Variants in TMEM45B observed in about 807,000 individuals in gnomAD.
TMEM45B encodes transmembrane protein 45B.
TMEM45B carries 29 observed loss-of-function variants against 27.3 expected under a neutral mutation model. That is an observed-to-expected ratio of 1.06 (90% confidence interval 0.79 to 1.45). The LOEUF (loss-of-function observed/expected upper bound fraction) is 1.45, where lower values mean the gene tolerates loss of function less well. TMEM45B is among the 40% of genes most tolerant of loss of function. TMEM45B has a pLI of 0.00. For synonymous variants in TMEM45B, 143 were observed against 134.7 expected (o/e 1.06, Z -0.43); for missense variants, 348 against 343.9 (o/e 1.01, Z -0.09).
chr11:129,821,545 A>G (rs1403486966), intron 1 of TMEM45B, among the ~76,000 whole-genome samples: 2 of 152,198 alleles, frequency 1.3e-5, no homozygotes, highest in African/African-American at 4.8e-5. Context: ...CCAAAAGTGT[A>G]TAAGATTCAG....
intron 1 of TMEM45B, among the ~76,000 whole-genome samples, chr11:129,839,149 G>A (rs1165571478): frequency 2.0e-5 from 3 of 152,120 alleles, no homozygotes; most frequent in Non-Finnish European, 4.4e-5. Flanking sequence ...AGGGAGGGAG[G>A]GAAGGATCCA....
chr11:129,852,618 G>C lies in TMEM45B; in HGVS notation c.136G>C (p.Glu46Gln), dbSNP rs751240503. The C allele has an allele frequency of 1.2e-6, 2 of 1,612,310 alleles. No individual in the cohort carries two copies. Among genetic ancestry groups the C allele is most frequent in the East Asian group, 2.2e-5 (1 of 44,854 alleles). The change falls in exon 2 of 6, where the codon GAG becomes CAG. Residue 46 changes from glutamate to glutamine, a missense_variant. Glu to Gln is a conservative substitution (Grantham distance 29). Transcript: ENST00000281441. ...CCCACTACATTACTATCAGCGTCTC[G>C]AGATCGTCGAAGCCGCAATTAGGAC... ...NSPLHYYQRL[E>Q]IVEAAIRTLF...
At chr11:129,820,510 G>T (rs148286733) in intron 1 of TMEM45B, among the ~76,000 whole-genome samples, 294 of 152,150 alleles carry the variant, frequency 1.9e-3, no homozygotes, top group African/African-American at 6.8e-3. Flanking sequence ...GTGGGTCCAG[G>T]GGAACTTTTT....
Position 129,816,732 on chromosome 11 carries a change from C to CTTTTTT in TMEM45B, c.-9+852_-9+857dup, listed in dbSNP as rs869217352. 4.4e-3 allele frequency among the ~76,000 whole-genome samples: 354 copies of CTTTTTT among 79,752 alleles called. 14 individuals are homozygous for CTTTTTT. Among genetic ancestry groups the CTTTTTT allele is most frequent in the Non-Finnish European group, 5.3e-3 (236 of 44,806 alleles). 52.3% of individuals were successfully genotyped at this position (79,752 alleles called of 152,430 possible). Reference sequence around the variant, plus strand: ...CTAAAAGTTGCAGAAATGGCCACTTCTTTTTTTTTTTTTTTTTTTTTTTGA... The same window carrying CTTTTTT: ...CTAAAAGTTGCAGAAATGGCCACTTCTTTTTTTTTTTTTTTTTTTTTTTTTTTTTGA... On this transcript the variant is annotated intron_variant, in intron 1 of 5. Coordinates refer to ENST00000281441, the MANE Select transcript of TMEM45B (RefSeq NM_138788.5).
intron 1 of TMEM45B, among the ~76,000 whole-genome samples, chr11:129,835,761 G>A (rs1947612434): frequency 6.6e-6 from 1 of 152,180 alleles, no homozygotes; most frequent in Non-Finnish European, 1.5e-5. Flanking sequence ...GATGGCCCTG[G>A]AAGGCAGGGC....
rs112894111 is a variant in TMEM45B at position 129,856,356 on chromosome 11, T to A, written c.570+464T>A. ...CCTCCTGAGTAGCTCAGGTTACAGG[T>A]GCCCGCCACCACACCTGGCTAATTT... is the stretch of plus-strand genomic sequence containing the variant. On this transcript the variant is annotated intron_variant, in intron 4 of 5. Coordinates refer to ENST00000281441, the MANE Select transcript of TMEM45B (RefSeq NM_138788.5). 5.1e-3 allele frequency among the ~76,000 whole-genome samples: 757 copies of A among 148,376 alleles called. 3 individuals are homozygous for A. The highest frequency in any genetic ancestry group is 0.018 in the African/African-American group (705 of 40,186).
chr11:129,844,270 A>G (rs2135585381), intron 1 of TMEM45B, among the ~76,000 whole-genome samples: 1 of 152,294 alleles, frequency 6.6e-6, no homozygotes, highest in South Asian at 2.1e-4. Flanking sequence ...AACAGAATAG[A>G]ATACCTGTTA....
intron 3 of TMEM45B, 128 bp from the exon 4 acceptor site, chr11:129,855,580 G>T (rs1257632506): frequency 1.1e-5 from 9 of 835,856 alleles, no homozygotes; most frequent in Non-Finnish European, 1.2e-5. Flanking sequence ...GCATCTGTTT[G>T]CTGCCTGTAA....
intron 1 of TMEM45B, among the ~76,000 whole-genome samples, chr11:129,823,674 G>C (rs538901166): frequency 5.5e-4 from 84 of 152,100 alleles, no homozygotes; most frequent in African/African-American, 1.9e-3. Flanking sequence ...CAAATCTGAT[G>C]GTATGGAATA....
chr11:129,841,546 CAG>C (rs1947692324), intron 1 of TMEM45B, among the ~76,000 whole-genome samples: 1 of 150,662 alleles, frequency 6.6e-6, no homozygotes, highest in Non-Finnish European at 1.5e-5. Flanking sequence ...GAGGGACTGA[CAG>C]GGGTTGGAAG....
intron 1 of TMEM45B, among the ~76,000 whole-genome samples, chr11:129,836,995 T>G (rs1357108085): frequency 6.6e-6 from 1 of 152,180 alleles, no homozygotes; most frequent in Non-Finnish European, 1.5e-5. Context: ...GGTGGCTGCC[T>G]GCTGGACACC....
chr11:129,832,065 CAAAAAAAA>C (rs57336005), intron 1 of TMEM45B, among the ~76,000 whole-genome samples: 3 of 58,602 alleles, frequency 5.1e-5, no homozygotes, highest in Non-Finnish European at 5.7e-5. Context: ...GATTCCATCT[CAAAAAAAA>C]AAAAAAAAAA....
chr11:129,816,079 C>T (rs1055843843), intron 1 of TMEM45B, among the ~76,000 whole-genome samples, 181 bp downstream of exon 1: 13 of 151,990 alleles, frequency 8.6e-5, no homozygotes, highest in Non-Finnish European at 1.6e-4. Context: ...TAGGGGAGGA[C>T]GGGAGGGGAT....
At chr11:129,858,525 G>T in intron 5 of TMEM45B, 49 bp from the exon 6 acceptor site, 1 of 1,382,854 alleles carries the variant, frequency 7.2e-7, no homozygotes, top group Non-Finnish European at 1.0e-6. Context: ...CTTGGTAATG[G>T]ATTAAGGGAA....
intron 4 of TMEM45B, 111 bp downstream of exon 4, chr11:129,856,003 A>G (rs1023254896): frequency 1.0e-5 from 13 of 1,302,306 alleles, no homozygotes; most frequent in South Asian, 2.8e-5. Context: ...CAGCATTAAC[A>G]TGCCATGCAA....
Position 129,854,759 on chromosome 11 carries a change from A to G in TMEM45B, c.328A>G (p.Ser110Gly). Residue 110 changes from serine to glycine, a missense_variant, in exon 3 of 6, where the codon AGC (serine) becomes GGC (glycine). Coordinates refer to ENST00000281441, the MANE Select transcript of TMEM45B (RefSeq NM_138788.5). ...GIVDMLTYLV[S>G]HVPLGVDRLV... ...TGTTGACATGCTCACCTATCTGGTCAGCCACGTTCCCTTGGGGGTGGACAG... is the reference window on the plus strand; with the variant it reads ...TGTTGACATGCTCACCTATCTGGTCGGCCACGTTCCCTTGGGGGTGGACAG... 6.2e-7 allele frequency: 1 copy of G among 1,614,234 alleles called. No individual in the cohort carries two copies. Among genetic ancestry groups the G allele is most frequent in the Non-Finnish European group, 8.5e-7 (1 of 1,180,038 alleles).
Position 129,858,492 on chromosome 11 carries a change from G to A in TMEM45B, c.717-82G>A, listed in dbSNP as rs1591456269. The A allele has an allele frequency of 6.8e-6, 6 of 878,882 alleles. No homozygotes were observed. The East Asian group carries it at 1.7e-4, about 24-fold the overall frequency. 54.4% of individuals were successfully genotyped at this position (878,882 alleles called of 1,614,324 possible). On this transcript the variant is annotated intron_variant, in intron 5 of 5. Transcript: ENST00000281441. ...TAGAAATATAAAGAAAATAGTTTAA[G>A]AATCAGTAGATGCCTTCACATCCTT... is the stretch of plus-strand genomic sequence containing the variant.
At chr11:129,838,496 T>C (rs979841269) in intron 1 of TMEM45B, among the ~76,000 whole-genome samples, 2 of 152,228 alleles carry the variant, frequency 1.3e-5, no homozygotes, top group Admixed American at 1.3e-4. Flanking sequence ...GGAGTTTCGC[T>C]CTTGTCGCTC....
At chr11:129,852,014 G>A (rs1309036740) in intron 1 of TMEM45B, among the ~76,000 whole-genome samples, 3 of 151,934 alleles carry the variant, frequency 2.0e-5, no homozygotes, top group South Asian at 2.1e-4. Flanking sequence ...ATTCTTCTAC[G>A]GTCTTTTTCT....
Sources: gnomAD v4.1 joint callset for allele counts (sites outside exome capture counted in the v4.1 genomes callset) on GRCh38, gnomAD v4.1.1 for gene constraint, MANE v1.5 for transcripts, NCBI Gene and HGNC (gene_info 2026-07-23, HGNC 2026-07-21) for gene names.